Variants in LGALS14 observed in about 807,000 individuals in gnomAD.
LGALS14 encodes galectin 14, also known as placental protein 13-like.
A neutral mutation model predicts 14.6 loss-of-function variants in LGALS14; 14 were observed. That is an observed-to-expected ratio of 0.96 (90% confidence interval 0.64 to 1.50). LGALS14 has a LOEUF of 1.50. Ranked by LOEUF, LGALS14 falls within the 40% of genes most tolerant of loss-of-function variation. LGALS14 has a pLI of 0.00. For missense variants in LGALS14, 180 were observed against 172.0 expected, an observed-to-expected ratio of 1.05 and a Z score of -0.26; for synonymous variants, 57 against 63.9, an observed-to-expected ratio of 0.89 and a Z score of 0.51.
intron 1 of LGALS14, 119 bp from the exon 2 acceptor site, chr19:39,706,478 A>C: frequency 2.7e-6 from 2 of 728,028 alleles, no homozygotes; most frequent in Non-Finnish European, 2.4e-6. Context: ...GTAGGGTGAA[A>C]GGGGAGAGGC....
At chr19:39,705,998 TTGA>T (rs753225703) in intron 1 of LGALS14, 1 of 1,613,760 alleles carries the variant, frequency 6.2e-7, no homozygotes, top group African/African-American at 1.3e-5. Flanking sequence ...TCCATTGCCC[TTGA>T]TGATTGTGGT....
At chr19:39,704,662 TGTG>T in intron 1 of LGALS14, 119 bp downstream of exon 1, 1 of 933,096 alleles carries the variant, frequency 1.1e-6, no homozygotes, top group Non-Finnish European at 1.7e-6. Flanking sequence ...TACCGAGAGT[TGTG>T]GGTGTGTAGA....
At chr19:39,705,077 C>G (rs1271150358) in intron 1 of LGALS14, among the ~76,000 whole-genome samples, 1 of 152,176 alleles carries the variant, frequency 6.6e-6, no homozygotes, top group Non-Finnish European at 1.5e-5. Context: ...CCTCCCCACA[C>G]AGCAGCACCT....
intron 2 of LGALS14, 96 bp from the exon 3 acceptor site, chr19:39,707,082 G>A: frequency 3.1e-6 from 3 of 957,784 alleles, no homozygotes; most frequent in Non-Finnish European, 1.7e-6. Context: ...GAGACTTTTT[G>A]CCCTGGGTAA....
chr19:39,707,359 T>C lies in LGALS14; in HGVS notation c.274T>C (p.Cys92Arg), dbSNP rs547151701. Residue 92 changes from cysteine to arginine, a missense_variant, in exon 3 of 4, where the codon TGC becomes CGC. By Grantham distance (180) the Cys-to-Arg change is radical. Coordinates refer to ENST00000392052, the MANE Select transcript of LGALS14 (RefSeq NM_020129.3). ...TGAAGATGGCAAACCATTTGAGCTG[T>C]GCATCTATGTGCGTCACAAGGAATA... is the stretch of plus-strand genomic sequence containing the variant. ...PFEDGKPFEL[C>R]IYVRHKEYKV... is the part of the protein sequence containing the mutation. 3.7e-6 allele frequency: 6 copies of C among 1,614,098 alleles called. No homozygotes were observed. The East Asian group carries it at 6.7e-5, about 18-fold the overall frequency.
chr19:39,706,741 C>G, intron 2 of LGALS14, 68 bp downstream of exon 2: 1 of 1,322,678 alleles, frequency 7.6e-7, no homozygotes, highest in Non-Finnish European at 1.1e-6. Context: ...AGGGTTTAAC[C>G]TTATGTGTGA....
chr19:39,706,464 T>A, intron 1 of LGALS14, 133 bp from the exon 2 acceptor site: 1 of 684,082 alleles, frequency 1.5e-6, no homozygotes, highest in Non-Finnish European at 2.6e-6. Flanking sequence ...GGGCCCTGAC[T>A]GTGGTAGGGT....
rs1194904070 is a variant in LGALS14, at chr19:39,709,319, A to G, written c.*6A>G. The G allele has an allele frequency of 2.8e-6, 4 of 1,435,412 alleles. No homozygotes were observed. 88.9% of individuals were successfully genotyped at this position (1,435,412 alleles called of 1,614,324 possible). ...GAGTGCTTATCAGCGATTGAGGGAGATGATCAGACTCCTCATTGTTGAGGA... is the reference window on the plus strand; with the variant it reads ...GAGTGCTTATCAGCGATTGAGGGAGGTGATCAGACTCCTCATTGTTGAGGA... On this transcript the variant is annotated 3_prime_UTR_variant, in exon 4 of 4. Coordinates refer to ENST00000392052, the MANE Select transcript of LGALS14 (RefSeq NM_020129.3).
intron 3 of LGALS14, among the ~76,000 whole-genome samples, chr19:39,707,883 C>T (rs1407265181): frequency 6.6e-6 from 1 of 152,076 alleles, no homozygotes; most frequent in Non-Finnish European, 1.5e-5. Flanking sequence ...GATCACAGCT[C>T]ATTGCAAACT....
At chr19:39,705,762 T>A in intron 1 of LGALS14, 1 of 877,770 alleles carries the variant, frequency 1.1e-6, no homozygotes, top group Non-Finnish European at 1.7e-6. Flanking sequence ...TGAGGATCAC[T>A]GCAGTCCAGG....
rs184331165 is a variant in LGALS14 at position 39,705,127 on chromosome 19, T to A, written c.15+584T>A. 3.3e-5 allele frequency among the ~76,000 whole-genome samples: 5 copies of A among 152,332 alleles called. No individual in the cohort carries two copies. In the East Asian group the frequency reaches 9.6e-4, roughly 29 times the overall value. ...GTGTGTCTTTTCATGTGTGGCAATGTGGATCCCAAGTGGCTTAACTGGTGG... is the reference window on the plus strand; with the variant it reads ...GTGTGTCTTTTCATGTGTGGCAATGAGGATCCCAAGTGGCTTAACTGGTGG... On this transcript the variant is annotated intron_variant, in intron 1 of 3. Coordinates refer to ENST00000392052, the MANE Select transcript of LGALS14 (RefSeq NM_020129.3).
intron 1 of LGALS14, 38 bp downstream of exon 1, chr19:39,704,581 C>T: frequency 1.2e-6 from 2 of 1,605,974 alleles, no homozygotes; most frequent in Non-Finnish European, 1.7e-6. Flanking sequence ...AATCTCAAGT[C>T]ACATAAACCA....
At chr19:39,706,556 C>T in intron 1 of LGALS14, 41 bp from the exon 2 acceptor site, 1 of 1,477,604 alleles carries the variant, frequency 6.8e-7, no homozygotes, top group African/African-American at 1.4e-5. Context: ...GGAGGTTACA[C>T]CTTACCCTTT....
rs1205508139 is a variant in LGALS14, at chr19:39,709,075, G to A, written c.304-122G>A. 2.7e-5 allele frequency: 20 copies of A among 737,446 alleles called. No homozygotes were observed. In the Admixed American group the frequency reaches 2.8e-4, roughly 10 times the overall value. The allele number at this position is 737,446 out of a possible 1,614,324, so 45.7% of individuals were successfully genotyped here. A position where few individuals can be genotyped will look rare whatever the true frequency, so the allele number is the denominator to read the frequency against. On this transcript the variant is annotated intron_variant, in intron 3 of 3. Coordinates refer to ENST00000392052, the MANE Select transcript of LGALS14 (RefSeq NM_020129.3). ...TAAAATCACAGAAGTGTGTCTACTA[G>A]GTTCACTTGTGTAACTAGGAGTTTT...
At chr19:39,706,112 C>A in intron 1 of LGALS14, 1 of 1,486,448 alleles carries the variant, frequency 6.7e-7, no homozygotes. Flanking sequence ...TAAATTCTTT[C>A]ACCCTCAAGT....
chr19:39,707,280 C>T lies in LGALS14; in HGVS notation c.195C>T (p.Asn65=), dbSNP rs765878498. ...ACTTTGGTCATCCTGCAATCATGAA[C>T]AGTTGTGTGTTTGGCATATGGAGAT... is the stretch of plus-strand genomic sequence containing the variant. ...RLHFGHPAIM[N]SCVFGIWRYE... is the part of the protein sequence containing the mutation. The change falls in exon 3 of 4, where the codon AAC becomes AAT. Residue 65 remains asparagine, a synonymous_variant. Transcript: ENST00000392052. The T allele has an allele frequency of 4.3e-6, 7 of 1,613,932 alleles. No homozygotes were observed. Among genetic ancestry groups the T allele is most frequent in the African/African-American group, 1.3e-5 (1 of 74,940 alleles).
rs141173503 is a variant in LGALS14, at chr19:39,704,685, CT to C, written c.15+143del. On this transcript the variant is annotated intron_variant, in intron 1 of 3. Coordinates refer to ENST00000392052, the MANE Select transcript of LGALS14 (RefSeq NM_020129.3). ...GTTGTGGGTGTGTAGAAGAGAAACC[CT>C]GAGGCTGTGGTATCTGAGATGATTG... The C allele has an allele frequency of 2.3e-3, 1,755 of 767,892 alleles. 22 individuals are homozygous for C. The African/African-American group carries it at 0.026, about 11-fold the overall frequency. 47.6% of individuals were successfully genotyped at this position (767,892 alleles called of 1,614,324 possible). A position where few individuals can be genotyped will look rare whatever the true frequency, so the allele number is the denominator to read the frequency against.
intron 2 of LGALS14, among the ~76,000 whole-genome samples, 199 bp downstream of exon 2, chr19:39,706,872 G>C (rs1230244426): frequency 6.6e-6 from 1 of 152,188 alleles, no homozygotes; most frequent in Non-Finnish European, 1.5e-5. Context: ...CGGAACCTAG[G>C]GGAGGAGAAC....
intron 2 of LGALS14, among the ~76,000 whole-genome samples, 156 bp downstream of exon 2, chr19:39,706,829 TGAGACCTG>T (rs1331919424): frequency 6.6e-6 from 1 of 152,150 alleles, no homozygotes; most frequent in African/African-American, 2.4e-5. Context: ...GCAACAGACA[TGAGACCTG>T]TAGAAACTGC....
Sources: allele counts gnomAD v4.1 joint callset (sites outside exome capture counted in the v4.1 genomes callset), GRCh38; gene constraint gnomAD v4.1.1; transcripts MANE v1.5; gene names NCBI Gene and HGNC (gene_info 2026-07-23, HGNC 2026-07-21).